The following TRDN variants were observed in gnomAD, a reference collection of about 807,000 sequenced individuals.
TRDN encodes triadin in skeletal muscle.
In TRDN, 161 loss-of-function variants were observed where a neutral mutation model predicts 149.7. That is an observed-to-expected ratio of 1.08 (90% CI 0.95 to 1.23). The LOEUF is 1.23. TRDN is among the 50% of genes most tolerant of loss of function. The pLI, the probability that TRDN is intolerant of heterozygous loss-of-function variation, is 0.00. For synonymous variants in TRDN, 294 were observed against 250.5 expected (o/e 1.17, Z -1.64); for missense variants, 896 against 823.5 (o/e 1.09, Z -1.08).
intron 1 of TRDN, among the ~76,000 whole-genome samples, chr6:123,606,360 T>C (rs1202447027): frequency 2.6e-5 from 4 of 151,682 alleles, no homozygotes; most frequent in Non-Finnish European, 5.9e-5. Flanking sequence ...ACAAGCATGG[T>C]TTTTTTCCCT....
chr6:123,236,459 A>G (rs1323576135), intron 38 of TRDN, among the ~76,000 whole-genome samples: 1 of 152,160 alleles, frequency 6.6e-6, no homozygotes, highest in East Asian at 1.9e-4. Context: ...TTGAGATGGT[A>G]TACAATTTAT....
intron 1 of TRDN, among the ~76,000 whole-genome samples, chr6:123,576,740 G>T (rs749190379): frequency 5.3e-5 from 8 of 151,978 alleles, no homozygotes; most frequent in Non-Finnish European, 1.2e-4. Context: ...AGCAATGAAG[G>T]TCTACTGCCA....
intron 7 of TRDN, chr6:123,509,957 A>C (rs1779098698): frequency 6.6e-6 from 1 of 152,130 alleles, no homozygotes; most frequent in Non-Finnish European, 1.5e-5. Context: ...CTCTCTCTCT[A>C]GAGGTCACTT....
At chr6:123,348,087 T>C (rs774480826) in intron 21 of TRDN, among the ~76,000 whole-genome samples, 2 of 152,086 alleles carry the variant, frequency 1.3e-5, no homozygotes, top group African/African-American at 2.4e-5. Context: ...TTTTTCTGTA[T>C]AAAAATCAAG....
chr6:123,377,351 A>G (rs1181973908), intron 18 of TRDN, among the ~76,000 whole-genome samples: 1 of 152,194 alleles, frequency 6.6e-6, no homozygotes, highest in Non-Finnish European at 1.5e-5. Flanking sequence ...CTTTTACACT[A>G]AACTGTGAAA....
intron 38 of TRDN, among the ~76,000 whole-genome samples, chr6:123,225,320 G>A (rs1049954099): frequency 8.6e-5 from 13 of 151,666 alleles, no homozygotes; most frequent in African/African-American, 3.1e-4. Flanking sequence ...AAAGCAGTAT[G>A]GAGGTTCCTC....
chr6:123,500,808 A>C (rs949598853), intron 8 of TRDN, among the ~76,000 whole-genome samples: 6 of 152,166 alleles, frequency 3.9e-5, no homozygotes, highest in African/African-American at 1.2e-4. Context: ...GATGGGGCAC[A>C]TGTGGTCCAG....
chr6:123,551,858 T>C (rs1781407694), intron 2 of TRDN, among the ~76,000 whole-genome samples: 1 of 152,094 alleles, frequency 6.6e-6, no homozygotes, highest in Admixed American at 6.6e-5. Flanking sequence ...CAATTGATTC[T>C]AAGGTCTCGT....
At chr6:123,456,292 T>C (rs998938267) in intron 10 of TRDN, among the ~76,000 whole-genome samples, 1 of 152,188 alleles carries the variant, frequency 6.6e-6, no homozygotes, top group South Asian at 2.1e-4. Context: ...GTTGTAATCA[T>C]TTCAATATGC....
intron 1 of TRDN, among the ~76,000 whole-genome samples, chr6:123,614,032 C>G (rs1293135058): frequency 6.6e-6 from 1 of 151,974 alleles, no homozygotes; most frequent in Non-Finnish European, 1.5e-5. Context: ...TTAAGATGCT[C>G]TAGGATATTG....
chr6:123,333,492 C>A (rs1193382738), intron 22 of TRDN, among the ~76,000 whole-genome samples: 1 of 152,054 alleles, frequency 6.6e-6, no homozygotes, highest in African/African-American at 2.4e-5. Flanking sequence ...ATTTCTATTT[C>A]CAAGTTTGCT....
At chr6:123,395,723 AAAAG>A (rs145175607) in intron 12 of TRDN, among the ~76,000 whole-genome samples, 1,632 of 152,298 alleles carry the variant, frequency 0.011, 32 homozygotes, top group African/African-American at 0.037. Context: ...GTCTACCTGC[AAAAG>A]AAAGATTTCA....
intron 40 of TRDN, among the ~76,000 whole-genome samples, chr6:123,221,258 C>A (rs1435057653): frequency 6.6e-6 from 1 of 151,746 alleles, no homozygotes; most frequent in African/African-American, 2.4e-5. Flanking sequence ...GCGATAAATG[C>A]CACTTCAACC....
intron 5 of TRDN, chr6:123,529,485 G>T: frequency 1.1e-6 from 1 of 885,814 alleles, no homozygotes; most frequent in Non-Finnish European, 1.8e-6. Context: ...AATGATTTGA[G>T]CCCTTCCCAA....
intron 20 of TRDN, among the ~76,000 whole-genome samples, chr6:123,359,490 A>C (rs1223672663): frequency 7.1e-6 from 1 of 140,850 alleles, no homozygotes; most frequent in Non-Finnish European, 1.6e-5. Context: ...CTACTAGATG[A>C]ATATTAGTGG....
At position 123,567,295 on chromosome 6, in the gene TRDN, G is replaced by C. The variant is rs184114341; in HGVS notation, c.232+3628C>G. On this transcript the variant is annotated intron_variant, in intron 2 of 40. Coordinates refer to ENST00000334268, the MANE Select transcript of TRDN (RefSeq NM_006073.4). ...ATGACTCTGGATAAATAGCCCTTTT[G>C]CTTTCTTTGATATCACGGGACTTTT... 2.7e-3 allele frequency among the ~76,000 whole-genome samples: 404 copies of C among 152,178 alleles called. 2 individuals carry two copies. The highest frequency in any genetic ancestry group is 9.4e-3 in the Admixed American group (144 of 15,288).
At chr6:123,270,261 T>C (rs1777161828) in intron 30 of TRDN, among the ~76,000 whole-genome samples, 1 of 152,014 alleles carries the variant, frequency 6.6e-6, no homozygotes, top group African/African-American at 2.4e-5. Flanking sequence ...ATAATGGTCA[T>C]ATGAAGTAAT....
chr6:123,590,877 C>T (rs1175154882), intron 1 of TRDN, among the ~76,000 whole-genome samples: 1 of 152,136 alleles, frequency 6.6e-6, no homozygotes, highest in African/African-American at 2.4e-5. Context: ...AAATTGTCTT[C>T]CACAAAACTG....
chr6:123,464,798 G>A, intron 10 of TRDN, 108 bp downstream of exon 10: 1 of 1,498,250 alleles, frequency 6.7e-7, no homozygotes, highest in South Asian at 1.3e-5. Context: ...AAGTATTTAA[G>A]AAAATATTGG....
Sources: allele counts gnomAD v4.1 joint callset (sites outside exome capture counted in the v4.1 genomes callset), GRCh38; gene constraint gnomAD v4.1.1; transcripts MANE v1.5; gene names NCBI Gene and HGNC (gene_info 2026-07-23, HGNC 2026-07-21).